Variants in GRID2 observed in about 807,000 individuals in gnomAD.
GRID2 encodes the protein glutamate ionotropic receptor delta type subunit 2.
A neutral mutation model predicts 114.8 loss-of-function variants in GRID2; 33 were observed. That is an observed-to-expected ratio of 0.29 (90% CI 0.22 to 0.38). GRID2 has a LOEUF of 0.38. GRID2 is among the 10% of genes least tolerant of loss of function. The pLI is 1.00. For synonymous variants in GRID2, 505 were observed against 449.9 expected (o/e 1.12, Z -1.55); for missense variants, 1,184 against 1,257.7 (o/e 0.94, Z 0.89).
intron 2 of GRID2, among the ~76,000 whole-genome samples, chr4:92,717,694 T>G (rs2149314905): frequency 6.6e-6 from 1 of 152,312 alleles, no homozygotes; most frequent in African/African-American, 2.4e-5. Flanking sequence ...TATGCAGTTG[T>G]CATTAAAACA....
chr4:93,729,460 T>C (rs1404693918), intron 14 of GRID2, among the ~76,000 whole-genome samples: 1 of 152,130 alleles, frequency 6.6e-6, no homozygotes, highest in African/African-American at 2.4e-5. Flanking sequence ...TCAATACTAT[T>C]TCTGCTACCT....
At chr4:93,377,174 A>G (rs924451284) in intron 8 of GRID2, among the ~76,000 whole-genome samples, 1 of 152,188 alleles carries the variant, frequency 6.6e-6, no homozygotes, top group Admixed American at 6.6e-5. Flanking sequence ...TAACTCATTG[A>G]TAATGAGTTG....
chr4:93,271,769 T>C (rs958818975), intron 8 of GRID2, among the ~76,000 whole-genome samples: 1 of 152,150 alleles, frequency 6.6e-6, no homozygotes, highest in African/African-American at 2.4e-5. Context: ...AAAAATATGA[T>C]TATTTTTATT....
At chr4:93,505,605 T>C (rs1024932157) in intron 12 of GRID2, among the ~76,000 whole-genome samples, 2 of 148,718 alleles carry the variant, frequency 1.3e-5, no homozygotes, top group African/African-American at 4.9e-5. Flanking sequence ...TTATAATATA[T>C]ATTTTATTAG....
At chr4:92,569,904 T>C (rs1727526397) in intron 1 of GRID2, among the ~76,000 whole-genome samples, 1 of 152,120 alleles carries the variant, frequency 6.6e-6, no homozygotes, top group African/African-American at 2.4e-5. Context: ...TCCCATTCTG[T>C]AGGTGGTATT....
intron 11 of GRID2, among the ~76,000 whole-genome samples, chr4:93,484,534 C>T (rs948455577): frequency 6.6e-6 from 1 of 151,838 alleles, no homozygotes; most frequent in African/African-American, 2.4e-5. Flanking sequence ...AGGAGCCCCT[C>T]AAACCAGATA....
chr4:93,598,818 A>G (rs1342164609), intron 13 of GRID2, among the ~76,000 whole-genome samples: 1 of 152,114 alleles, frequency 6.6e-6, no homozygotes, highest in Admixed American at 6.6e-5. Context: ...AATAATGCAA[A>G]TTTGTGCATA....
chr4:92,535,086 C>T (rs1725548013), intron 1 of GRID2, among the ~76,000 whole-genome samples: 1 of 152,156 alleles, frequency 6.6e-6, no homozygotes, highest in Non-Finnish European at 1.5e-5. Flanking sequence ...TATGGGCTAA[C>T]TATCCAGTTT....
At chr4:93,177,550 A>C (rs1478674008) in intron 4 of GRID2, among the ~76,000 whole-genome samples, 1 of 152,196 alleles carries the variant, frequency 6.6e-6, no homozygotes, top group Non-Finnish European at 1.5e-5. Context: ...CTACTTTATC[A>C]TATTAAAATT....
At chr4:92,799,840 A>T (rs1740069632) in intron 2 of GRID2, among the ~76,000 whole-genome samples, 1 of 151,970 alleles carries the variant, frequency 6.6e-6, no homozygotes, top group African/African-American at 2.4e-5. Flanking sequence ...TTTTTGATAG[A>T]CTAGGTCAAG....
At chr4:93,022,308 A>G (rs1723447982) in intron 2 of GRID2, among the ~76,000 whole-genome samples, 1 of 151,732 alleles carries the variant, frequency 6.6e-6, no homozygotes, top group Non-Finnish European at 1.5e-5. Flanking sequence ...CTTTTTTTTT[A>G]GGATACCAAA....
chr4:93,541,605 A>G lies in GRID2; in HGVS notation c.2193+26194A>G, dbSNP rs986415385. ...TATTTCAAACATTTTGTAGTCATTT[A>G]CAGACTCTCATGCCATTTATACATG... On this transcript the variant is annotated intron_variant, in intron 13 of 15. Transcript: ENST00000282020. 2.2e-5 allele frequency among the ~76,000 whole-genome samples: 3 copies of G among 134,970 alleles called. No individual in the cohort carries two copies. The South Asian group carries it at 6.8e-4, about 31-fold the overall frequency. The allele number at this position is 134,970 out of a possible 152,430, so 88.5% of individuals were successfully genotyped here. A position where few individuals can be genotyped will look rare whatever the true frequency, so the allele number is the denominator to read the frequency against.
chr4:93,005,011 C>A (rs1178550074), intron 2 of GRID2, among the ~76,000 whole-genome samples: 2 of 151,990 alleles, frequency 1.3e-5, no homozygotes, highest in Non-Finnish European at 2.9e-5. Context: ...AGGGACCTAG[C>A]CTTTAGGGCA....
At chr4:93,134,675 C>T (rs546796813) in intron 4 of GRID2, among the ~76,000 whole-genome samples, 1 of 152,036 alleles carries the variant, frequency 6.6e-6, no homozygotes, top group East Asian at 1.9e-4. Context: ...ACTATTAAGG[C>T]ATTTTAATGA....
chr4:92,539,019 G>A (rs1461978455), intron 1 of GRID2, among the ~76,000 whole-genome samples: 1 of 149,844 alleles, frequency 6.7e-6, no homozygotes, highest in Non-Finnish European at 1.5e-5. Flanking sequence ...TCCAGCCTGG[G>A]CGACAGAGCA....
chr4:92,757,521 T>C (rs1006759813), intron 2 of GRID2, among the ~76,000 whole-genome samples: 1 of 152,096 alleles, frequency 6.6e-6, no homozygotes, highest in Non-Finnish European at 1.5e-5. Flanking sequence ...CATATGTATG[T>C]ACAAATTTGG....
chr4:93,039,920 T>G (rs2149267217), intron 2 of GRID2, among the ~76,000 whole-genome samples: 1 of 152,306 alleles, frequency 6.6e-6, no homozygotes, highest in East Asian at 1.9e-4. Flanking sequence ...TGCAAAAAGT[T>G]GGGCTACATA....
At chr4:93,477,382 C>T (rs1377673255) in intron 11 of GRID2, among the ~76,000 whole-genome samples, 1 of 152,060 alleles carries the variant, frequency 6.6e-6, no homozygotes, top group Non-Finnish European at 1.5e-5. Flanking sequence ...AGCACTGACC[C>T]GTTCTGCTTT....
intron 8 of GRID2, among the ~76,000 whole-genome samples, chr4:93,263,853 C>G (rs954848036): frequency 1.3e-5 from 2 of 152,106 alleles, no homozygotes; most frequent in African/African-American, 4.8e-5. Flanking sequence ...GTGGCAATGA[C>G]TCTACATCAT....
Sources: gnomAD v4.1 joint callset for allele counts (sites outside exome capture counted in the v4.1 genomes callset) on GRCh38, gnomAD v4.1.1 for gene constraint, MANE v1.5 for transcripts, NCBI Gene and HGNC (gene_info 2026-07-23, HGNC 2026-07-21) for gene names.